MCM3AP: variants seen among roughly 807,000 people sequenced by gnomAD.
MCM3AP encodes minichromosome maintenance complex component 3 associated protein, also known as germinal-center associated nuclear protein.
A neutral mutation model predicts 184.1 loss-of-function variants in MCM3AP; 126 were observed. That is an observed-to-expected ratio of 0.68 (90% CI 0.59 to 0.79). MCM3AP has a LOEUF of 0.79. Among genes scored for constraint, MCM3AP ranks in the 30% least tolerant of loss-of-function variants. The pLI is 0.00. For missense variants in MCM3AP, 2,496 were observed against 2,479.2 expected (o/e 1.01, Z -0.14); for synonymous variants, 1,002 against 979.3 (o/e 1.02, Z -0.43).
chr21:46,250,525 C>T (rs935869580), intron 20 of MCM3AP: 1 of 152,246 alleles, frequency 6.6e-6, no homozygotes, highest in African/African-American at 2.4e-5. Flanking sequence ...TCTAGGCTCA[C>T]CTCTTGCTCA....
chr21:46,251,879 T>G (rs2080875378), intron 19 of MCM3AP, 197 bp from the exon 20 acceptor site: 1 of 349,456 alleles, frequency 2.9e-6, no homozygotes, highest in Non-Finnish European at 5.2e-6. Flanking sequence ...TCTGTACTCG[T>G]TCTTTTTTTT....
intron 20 of MCM3AP, chr21:46,250,976 T>C (rs554275076): frequency 6.6e-6 from 1 of 152,076 alleles, no homozygotes; most frequent in Non-Finnish European, 1.5e-5. Context: ...AAGAAAGGAG[T>C]TAAGAGAGGA....
chr21:46,283,786 G>A lies in MCM3AP; in HGVS notation c.1272C>T (p.Asp424=). 1 of 1,614,154 alleles carries A rather than the reference G, an allele frequency of 6.2e-7. No homozygotes were observed. Among genetic ancestry groups the A allele is most frequent in the Middle Eastern group, 1.7e-4 (1 of 6,016 alleles). The stretch of plus-strand genomic sequence containing the variant: ...CAGAGGGAGACAAGCCCCCAAGACT[G>A]TCTGTGCTCTCGCTTCTGTTACTCT... ...ARQSNRSEST[D]SLGGLSPSEV... is the part of the protein sequence containing the mutation. Residue 424 remains aspartate, a synonymous_variant, in exon 2 of 28, where the codon GAC becomes GAT. Coordinates refer to ENST00000291688, the MANE Select transcript of MCM3AP (RefSeq NM_003906.5).
intron 7 of MCM3AP, 81 bp downstream of exon 7, chr21:46,273,307 T>C (rs2081207737): frequency 1.5e-6 from 2 of 1,311,182 alleles, no homozygotes; most frequent in Non-Finnish European, 2.2e-6. Flanking sequence ...AGATAAAATA[T>C]ATAACAGAGT....
rs200700578 is a variant in MCM3AP at position 46,270,578 on chromosome 21, A to G, written c.2466-15T>C. 1.1e-4 allele frequency: 173 copies of G among 1,577,992 alleles called. No homozygotes were observed. Among genetic ancestry groups the G allele is most frequent in the Non-Finnish European group, 1.4e-4 (167 of 1,164,154 alleles). On this transcript the variant is annotated splice_polypyrimidine_tract_variant and intron_variant, in intron 8 of 27. Coordinates refer to ENST00000291688, the MANE Select transcript of MCM3AP (RefSeq NM_003906.5). ...GTTGTACTTCTCTGTTAATTAAAGG[A>G]GAGAAAAGGGGTTGGAATGTTATTT...
intron 17 of MCM3AP, 113 bp downstream of exon 17, chr21:46,256,676 G>C: frequency 7.6e-7 from 1 of 1,315,454 alleles, no homozygotes; most frequent in Non-Finnish European, 1.0e-6. Context: ...ACCTATCTTC[G>C]CCTCCAGGCT....
rs1205464704 is a variant in MCM3AP, at chr21:46,277,672, C to T, written c.1713G>A (p.Glu571=). ...CGGAGGCTGAGTCAAAAGAGTCTCC[C>T]TCGAATTGGTGGGCCTTTAGAAGAC... ...KPSLLKAHQF[E]GDSFDSASEG... Residue 571 remains glutamate, a synonymous_variant, in exon 5 of 28, where the codon GAG becomes GAA. Coordinates refer to ENST00000291688, the MANE Select transcript of MCM3AP (RefSeq NM_003906.5). 1.9e-6 allele frequency: 3 copies of T among 1,605,608 alleles called. No individual in the cohort carries two copies. Among genetic ancestry groups the T allele is most frequent in the Admixed American group, 1.7e-5 (1 of 58,664 alleles).
chr21:46,259,713 C>G (rs1476465536), intron 15 of MCM3AP, among the ~76,000 whole-genome samples: 1 of 151,984 alleles, frequency 6.6e-6, no homozygotes, highest in African/African-American at 2.4e-5. Flanking sequence ...GAGATCGAGA[C>G]TATCCTGGCT....
rs1221685603 is a variant in MCM3AP, at chr21:46,275,320, C to T, written c.1864G>A (p.Val622Met). ...GCTTTGTCCAGATCGGTTCTCTTCA[C>T]CCGAGCTAAATGACGTCAAGTAAAA... ...QRDRIMRQAR[V>M]KRTDLDKART... is the part of the protein sequence containing the mutation. The change falls in exon 6 of 28, where the codon GTG becomes ATG. Residue 622 changes from valine to methionine, a missense_variant. By Grantham distance (21) the Val-to-Met change is conservative. Transcript: ENST00000291688. 6.2e-7 allele frequency: 1 copy of T among 1,612,110 alleles called. No homozygotes were observed. Among genetic ancestry groups the T allele is most frequent in the Non-Finnish European group, 8.5e-7 (1 of 1,179,332 alleles).
rs547654695 is a variant in MCM3AP at position 46,273,328 on chromosome 21, T to A, written c.2196+60A>T. The A allele has an allele frequency of 1.4e-5, 20 of 1,446,302 alleles. 1 individual carries two copies. The Middle Eastern group carries it at 9.3e-4, about 68-fold the overall frequency. 89.6% of individuals were successfully genotyped at this position (1,446,302 alleles called of 1,614,324 possible). ...AATATATAACAGAGTAATAAAAATA[T>A]CAGTTTGACTTTGGAATTTGCGTGG... On this transcript the variant is annotated intron_variant, in intron 7 of 27. Coordinates refer to ENST00000291688, the MANE Select transcript of MCM3AP (RefSeq NM_003906.5).
At chr21:46,251,886 T>C (rs2145637410) in intron 19 of MCM3AP, 1 of 324,232 alleles carries the variant, frequency 3.1e-6, no homozygotes, top group South Asian at 7.8e-5. Context: ...TCGTTCTTTT[T>C]TTTTTTTTTT....
In MCM3AP at chr21:46,275,173, T is replaced by C. The variant is rs1165673409; in HGVS notation, c.1998+13A>G. The C allele has an allele frequency of 1.9e-6, 3 of 1,609,044 alleles. No homozygotes were observed. Among genetic ancestry groups the C allele is most frequent in the Non-Finnish European group, 2.5e-6 (3 of 1,178,386 alleles). ...CCCCTGCCCACACTCCACGGGGAGA[T>C]GCAGGGCTCTACCTGGTCAGTCCCT... On this transcript the variant is annotated intron_variant, in intron 6 of 27. Transcript: ENST00000291688.
chr21:46,264,141 G>A lies in MCM3AP; in HGVS notation c.3311C>T (p.Ala1104Val), dbSNP rs747316533. 8 of 1,613,832 alleles carry A rather than the reference G, an allele frequency of 5.0e-6. No individual in the cohort carries two copies. The highest frequency in any genetic ancestry group is 3.3e-4 in the Middle Eastern group (2 of 6,046). The change falls in exon 13 of 28, where the codon GCT becomes GTT. Residue 1104 changes from alanine (A) to valine (V), a missense_variant. Transcript: ENST00000291688. The stretch of plus-strand genomic sequence containing the variant: ...CCCCAGGGCGGCAGCTGCGTAGGCA[G>A]CACCCGCAGAGCCAACTTCCTCACA... Reference protein sequence around the residue: ...RDCEEVGSAGAAYAAAALGVS... With the variant: ...RDCEEVGSAGVAYAAAALGVS...
intron 12 of MCM3AP, among the ~76,000 whole-genome samples, 161 bp downstream of exon 12, chr21:46,265,160 T>C (rs373289068): frequency 1.1e-4 from 16 of 152,196 alleles, no homozygotes; most frequent in African/African-American, 3.9e-4. Context: ...TGAGCCTGAA[T>C]AGGTGGGCCC....
In MCM3AP at chr21:46,285,021, T is replaced by C; in HGVS notation, c.266A>G (p.His89Arg). The change falls in exon 1 of 28, where the codon CAC (histidine) becomes CGC (arginine). Residue 89 changes from histidine to arginine, a missense_variant. By Grantham distance (29) the His-to-Arg change is conservative. Coordinates refer to ENST00000291688, the MANE Select transcript of MCM3AP (RefSeq NM_003906.5). Reference sequence around the variant, plus strand: ...AGAGGTAGCCACAAAGGTGGAAGTGTGCTCAAGTCCAGAAAAGGGTCCAAC... The same window carrying C: ...AGAGGTAGCCACAAAGGTGGAAGTGCGCTCAAGTCCAGAAAAGGGTCCAAC... Reference protein sequence around the residue: ...SSVGPFSGLEHTSTFVATSGP... With the variant: ...SSVGPFSGLERTSTFVATSGP... 4 of 1,614,188 alleles carry C rather than the reference T, an allele frequency of 2.5e-6. No individual in the cohort carries two copies. Among genetic ancestry groups the C allele is most frequent in the Non-Finnish European group, 3.4e-6 (4 of 1,180,036 alleles).
At position 46,256,869 on chromosome 21, in the gene MCM3AP, C is replaced by T; in HGVS notation, c.3852G>A (p.Glu1284=). 1.3e-6 allele frequency: 2 copies of T among 1,589,010 alleles called. No individual in the cohort carries two copies. The highest frequency in any genetic ancestry group is 1.3e-5 in the African/African-American group (1 of 74,588). Residue 1284 remains glutamate (E), a synonymous_variant, in exon 17 of 28, where the codon GAG becomes GAA. Coordinates refer to ENST00000291688, the MANE Select transcript of MCM3AP (RefSeq NM_003906.5). ...CCAGGTTCTCTTCAGCAATGGGGCA[C>T]TCTGCGCTGGGCGCCAGCGCCCTCA... ...DRLRALAPSA[E]CPIAEENLAR...
At chr21:46,271,034 A>G (rs1399253740) in intron 8 of MCM3AP, among the ~76,000 whole-genome samples, 1 of 152,266 alleles carries the variant, frequency 6.6e-6, no homozygotes, top group Non-Finnish European at 1.5e-5. Context: ...TGGATGGTAA[A>G]GTCTAAAAAA....
In MCM3AP at chr21:46,277,708, C is replaced by T; in HGVS notation, c.1677G>A (p.Val559=). ...GGGCCTTTAGAAGACTTGGCTTCTT[C>T]ACTGGAGAGCTATAAAGTAAACACC... The part of the protein sequence containing the change: ...ASSLLNKSSP[V]KKPSLLKAHQ... Residue 559 remains valine (V), a synonymous_variant, in exon 5 of 28, where the codon GTG becomes GTA. Coordinates refer to ENST00000291688, the MANE Select transcript of MCM3AP (RefSeq NM_003906.5). 1 of 1,582,008 alleles carries T rather than the reference C, an allele frequency of 6.3e-7. No individual in the cohort carries two copies. Among genetic ancestry groups the T allele is most frequent in the Non-Finnish European group, 8.6e-7 (1 of 1,164,072 alleles).
At position 46,246,363 on chromosome 21, in the gene MCM3AP, C is replaced by G. The variant is rs757681506; in HGVS notation, c.4591G>C (p.Asp1531His). 3.1e-6 allele frequency: 5 copies of G among 1,613,292 alleles called. No homozygotes were observed. The highest frequency in any genetic ancestry group is 4.2e-6 in the Non-Finnish European group (5 of 1,179,200). Reference sequence around the variant, plus strand: ...TCAGGGATCTCGGTAACAGTGTAATCTGAAATCAGCTTAGCTGAAACCAAG... The same window carrying G: ...TCAGGGATCTCGGTAACAGTGTAATGTGAAATCAGCTTAGCTGAAACCAAG... The part of the protein sequence containing the change: ...QDLVSAKLIS[D>H]YTVTEIPDTI... The change falls in exon 22 of 28, where the codon GAT (aspartate) becomes CAT (histidine). Residue 1531 changes from aspartate (D) to histidine (H), a missense_variant. Physicochemically the swap from Asp to His is moderately conservative, Grantham distance 81 (BLOSUM62 -1). Around this residue, in one of 5 missense-constraint regions of MCM3AP, gnomAD observed 1,323 missense variants for 1,273.4 expected, o/e 1.04. Coordinates refer to ENST00000291688, the MANE Select transcript of MCM3AP (RefSeq NM_003906.5).
Sources: allele counts gnomAD v4.1 joint callset (sites outside exome capture counted in the v4.1 genomes callset), GRCh38; gene constraint gnomAD v4.1.1; regional missense constraint gnomAD v4.1.1; transcripts MANE v1.5; gene names NCBI Gene and HGNC (gene_info 2026-07-23, HGNC 2026-07-21).